The following PAX2 variants were observed in gnomAD, a reference collection of about 807,000 sequenced individuals.
PAX2 encodes paired box protein Pax-2.
Under a neutral mutation model 41.7 loss-of-function variants are expected in PAX2, and 9 were observed. That is an observed-to-expected ratio of 0.22 (90% CI 0.13 to 0.38). The LOEUF (loss-of-function observed/expected upper bound fraction) is 0.38. Among genes scored for constraint, PAX2 ranks in the 10% least tolerant of loss-of-function variants. The pLI is 1.00. For missense variants in PAX2, 418 were observed against 531.6 expected, an observed-to-expected ratio of 0.79 and a Z score of 2.10; for synonymous variants, 221 against 212.7, an observed-to-expected ratio of 1.04 and a Z score of -0.34.
At chr10:100,753,834 C>T (rs1845535482) in intron 3 of PAX2, among the ~76,000 whole-genome samples, 1 of 152,208 alleles carries the variant, frequency 6.6e-6, no homozygotes, top group South Asian at 2.1e-4. Flanking sequence ...AAAGGCCTGG[C>T]CATCCAGCCT....
intron 3 of PAX2, among the ~76,000 whole-genome samples, chr10:100,767,072 C>T (rs1846055100): frequency 2.6e-5 from 4 of 152,182 alleles, no homozygotes; most frequent in South Asian, 2.1e-4. Flanking sequence ...TGCCGGAATG[C>T]GTCAACACAA....
intron 5 of PAX2, among the ~76,000 whole-genome samples, chr10:100,805,531 G>A (rs555297682): frequency 4.5e-4 from 69 of 152,294 alleles, no homozygotes; most frequent in African/African-American, 1.6e-3. Flanking sequence ...AGGAACCGAC[G>A]CTGGGAGGCA....
intron 5 of PAX2, among the ~76,000 whole-genome samples, chr10:100,805,631 A>G (rs545198018): frequency 2.0e-4 from 31 of 152,290 alleles, no homozygotes; most frequent in African/African-American, 6.3e-4. Context: ...CCGGTGTGAT[A>G]AGACTCTGCT....
upstream of PAX2, among the ~76,000 whole-genome samples, chr10:100,741,557 C>G (rs1482807764): frequency 6.6e-6 from 1 of 152,048 alleles, no homozygotes; most frequent in Non-Finnish European, 1.5e-5. Flanking sequence ...GTGTAAGTTT[C>G]GGCTCCCTGG....
intron 5 of PAX2, among the ~76,000 whole-genome samples, chr10:100,786,193 G>A (rs540111048): frequency 3.9e-5 from 6 of 152,322 alleles, no homozygotes; most frequent in South Asian, 2.1e-4. Flanking sequence ...TAGCTAACCC[G>A]GATGGGACCA....
At chr10:100,809,322 A>G in intron 7 of PAX2, 86 bp downstream of exon 7, 1 of 1,280,924 alleles carries the variant, frequency 7.8e-7, no homozygotes. Flanking sequence ...TGTGAGGAGC[A>G]GGTCCCCCAC....
rs777673361 is a variant in PAX2, at chr10:100,827,612, G to A, written c.1178G>A (p.Arg393His). The A allele has an allele frequency of 1.2e-6, 2 of 1,613,684 alleles. No homozygotes were observed. The highest frequency in any genetic ancestry group is 1.7e-6 in the Non-Finnish European group (2 of 1,179,824). ...GCCGCTGCTGCCGCTGCCTATGACC[G>A]CCACTAGTTACCGCGGGGACCACAT... is the stretch of plus-strand genomic sequence containing the variant. Reference protein sequence around the residue: ...APAAAAAAYDRH With the variant: ...APAAAAAAYDHH Residue 393 changes from arginine (R) to histidine (H), a missense_variant, in exon 10 of 10, where the codon CGC becomes CAC. Arg to His is a conservative substitution (Grantham distance 29). Coordinates refer to ENST00000355243, the MANE Select transcript of PAX2 (RefSeq NM_000278.5). This position sits in a 1 kb window ranked among gnomAD's most constrained non-coding sequence, Gnocchi z 8.5.
chr10:100,823,841 C>T (rs1462715089), intron 7 of PAX2, among the ~76,000 whole-genome samples: 2 of 152,084 alleles, frequency 1.3e-5, no homozygotes, highest in African/African-American at 4.8e-5. Context: ...TGTCGGTGGA[C>T]CAGGGGTAGC....
At chr10:100,739,803 G>A (rs1393558329) in intron 1 of PAX2, among the ~76,000 whole-genome samples, 1 of 152,222 alleles carries the variant, frequency 6.6e-6, no homozygotes, top group East Asian at 1.9e-4. Flanking sequence ...AGCCCGATGA[G>A]GCCGCGGGCT....
intron 4 of PAX2, among the ~76,000 whole-genome samples, chr10:100,779,940 G>C (rs1846546607): frequency 6.6e-6 from 1 of 151,520 alleles, no homozygotes; most frequent in African/African-American, 2.4e-5. Context: ...GTTTTTATCT[G>C]ATTCTGTCTC....
intron 5 of PAX2, among the ~76,000 whole-genome samples, chr10:100,790,702 T>A (rs1847077926): frequency 6.6e-6 from 1 of 152,186 alleles, no homozygotes; most frequent in African/African-American, 2.4e-5. Flanking sequence ...CCCAGATCCC[T>A]GCCTGCCAGC....
In PAX2 at chr10:100,738,962, G is replaced by A. The variant is rs567688548; in HGVS notation, c.25+3229G>A. Reference sequence around the variant, plus strand: ...GCAGGGGTCTCACCCTACAGAGAGGGCCCTCCTTCCCCCTTTCCCCGAGGG... The same window carrying A: ...GCAGGGGTCTCACCCTACAGAGAGGACCCTCCTTCCCCCTTTCCCCGAGGG... On this transcript the variant is annotated intron_variant, in intron 1 of 9. Transcript: ENST00000679374. Among the ~76,000 whole-genome samples, 16 of 151,718 alleles carry A rather than the reference G, an allele frequency of 1.1e-4. No homozygotes were observed. The South Asian group carries it at 2.1e-3, about 20-fold the overall frequency.
intron 5 of PAX2, among the ~76,000 whole-genome samples, chr10:100,798,228 A>G (rs1339073377): frequency 6.7e-6 from 1 of 149,946 alleles, no homozygotes; most frequent in Admixed American, 6.7e-5. Context: ...TGATCCTCCA[A>G]TCTCAGCCTC....
Position 100,781,325 on chromosome 10 carries a change from G to A in PAX2, c.576G>A (p.Gly192=), listed in dbSNP as rs1589848177. The change falls in exon 5 of 10, where the codon GGG becomes GGA. Residue 192 remains glycine (G), a synonymous_variant. Coordinates refer to ENST00000355243, the MANE Select transcript of PAX2 (RefSeq NM_000278.5). ...CCTACTCCATCAATGGGATCCTGGG[G>A]ATTCCTCGCTCCAATGGTGAGAAGA... ...VGSYSINGIL[G]IPRSNGEKRK... 6.2e-7 allele frequency: 1 copy of A among 1,614,068 alleles called. No homozygotes were observed. The highest frequency in any genetic ancestry group is 8.5e-7 in the Non-Finnish European group (1 of 1,179,918).
At chr10:100,798,722 A>C (rs1589869482) in intron 5 of PAX2, among the ~76,000 whole-genome samples, 9 of 146,110 alleles carry the variant, frequency 6.2e-5, no homozygotes, top group East Asian at 2.0e-4. Flanking sequence ...ATCCTCCTCC[A>C]CTCTCCCTTG....
rs1325362021 is a variant in PAX2 at position 100,826,177 on chromosome 10, A to C, written c.1022-832A>C. ...TGCACGCATGCTTTCCCTCCTCGTC[A>C]ATAAACAGGCTTTCCAGTGGCTGCA... On this transcript the variant is annotated intron_variant, in intron 8 of 9. Coordinates refer to ENST00000355243, the MANE Select transcript of PAX2 (RefSeq NM_000278.5). This position sits in a 1 kb window ranked among gnomAD's most constrained non-coding sequence, Gnocchi z 5.5. Among the ~76,000 whole-genome samples the C allele has an allele frequency of 6.6e-6, 1 of 152,152 alleles. No individual in the cohort carries two copies. The highest frequency in any genetic ancestry group is 2.4e-5 in the African/African-American group (1 of 41,418).
chr10:100,749,034 C>A (rs1285864335), intron 1 of PAX2: 1 of 985,482 alleles, frequency 1.0e-6, no homozygotes, highest in Non-Finnish European at 1.2e-6. Context: ...GGGCCCCTGC[C>A]TCATCCGCCT....
intron 6 of PAX2, among the ~76,000 whole-genome samples, chr10:100,808,174 C>T (rs981808314): frequency 2.3e-4 from 35 of 152,194 alleles, no homozygotes; most frequent in Admixed American, 6.5e-5. Flanking sequence ...TCTCTCCGAT[C>T]ACAGCGAATT....
intron 1 of PAX2, among the ~76,000 whole-genome samples, chr10:100,736,760 G>A (rs1218238889): frequency 6.6e-6 from 1 of 152,144 alleles, no homozygotes; most frequent in East Asian, 1.9e-4. Context: ...GTCAACTGTG[G>A]CCACCTGAGC....
Sources: allele counts gnomAD v4.1 joint callset (sites outside exome capture counted in the v4.1 genomes callset), GRCh38; gene constraint gnomAD v4.1.1; non-coding constraint Gnocchi (gnomAD v3.1); transcripts MANE v1.5; gene names NCBI Gene and HGNC (gene_info 2026-07-23, HGNC 2026-07-21).